Variants in ATOSA observed in about 807,000 individuals in gnomAD.
ATOSA encodes the protein atos homolog A, also known as atos homolog protein A.
At chr15:52,697,871 T>TA in the ATOSA span, among the ~76,000 whole-genome samples, 1 of 145,648 alleles carries the variant, frequency 6.9e-6, no homozygotes, top group South Asian at 2.2e-4. Context: ...GAACACAAAT[T>TA]AAAAATCACA....
chr15:52,594,770 C>T, the ATOSA span, among the ~76,000 whole-genome samples: 1 of 152,212 alleles, frequency 6.6e-6, no homozygotes, highest in African/African-American at 2.4e-5. Context: ...AACCTCTCCT[C>T]TGAATAAATG....
chr15:52,597,228 C>T, the ATOSA span, among the ~76,000 whole-genome samples: 33 of 2,106 alleles, frequency 0.016, 2 homozygotes, highest in East Asian at 0.5. Flanking sequence ...CTATTCTATT[C>T]TATTCTATTC....
chr15:52,613,894 T>C, the ATOSA span: 54 of 1,567,440 alleles, frequency 3.4e-5, no homozygotes, highest in African/African-American at 3.6e-4. Flanking sequence ...CTCAATTTAA[T>C]GTACTCTTAG....
the ATOSA span, among the ~76,000 whole-genome samples, chr15:52,637,483 C>T: frequency 1.3e-5 from 2 of 152,094 alleles, no homozygotes; most frequent in South Asian, 2.1e-4. Flanking sequence ...TCACCCAAGC[C>T]AAAAACGTAG....
At chr15:52,601,323 T>C in the ATOSA span, among the ~76,000 whole-genome samples, 2 of 151,998 alleles carry the variant, frequency 1.3e-5, no homozygotes, top group Non-Finnish European at 2.9e-5. Flanking sequence ...CATTACATAT[T>C]GTTCTTATGT....
At chr15:52,625,339 C>T in the ATOSA span, among the ~76,000 whole-genome samples, 2 of 151,718 alleles carry the variant, frequency 1.3e-5, no homozygotes, top group Non-Finnish European at 2.9e-5. Context: ...AAAGAGTGAC[C>T]ACGGCTATAA....
the ATOSA span, among the ~76,000 whole-genome samples, chr15:52,691,214 TC>T: frequency 2.6e-5 from 4 of 152,212 alleles, no homozygotes; most frequent in Non-Finnish European, 5.9e-5. Flanking sequence ...ATTTTATCAT[TC>T]AAACTTTTAC....
At chr15:52,671,350 G>C in the ATOSA span, among the ~76,000 whole-genome samples, 1 of 152,168 alleles carries the variant, frequency 6.6e-6, no homozygotes, top group South Asian at 2.1e-4. Flanking sequence ...CAGAAGTTCA[G>C]CTGGTATCAG....
At chr15:52,677,888 T>A in the ATOSA span, 1 of 1,367,052 alleles carries the variant, frequency 7.3e-7, no homozygotes, top group African/African-American at 1.4e-5. Flanking sequence ...CAAAAACAGA[T>A]AATCACATAT....
At chr15:52,597,446 A>G in the ATOSA span, among the ~76,000 whole-genome samples, 1 of 152,252 alleles carries the variant, frequency 6.6e-6, no homozygotes, top group South Asian at 2.1e-4. Context: ...AAAACGAATG[A>G]ACTCTTGATA....
At chr15:52,632,453 A>G in the ATOSA span, among the ~76,000 whole-genome samples, 1 of 152,218 alleles carries the variant, frequency 6.6e-6, no homozygotes. Flanking sequence ...ACAGTGTAGC[A>G]TAATTAGGAG....
chr15:52,636,913 G>A, the ATOSA span, among the ~76,000 whole-genome samples: 3 of 152,130 alleles, frequency 2.0e-5, no homozygotes, highest in South Asian at 4.1e-4. Context: ...GGAATTTGGG[G>A]ATGCATGCTC....
the ATOSA span, among the ~76,000 whole-genome samples, chr15:52,591,182 A>T: frequency 6.6e-6 from 1 of 152,198 alleles, no homozygotes; most frequent in Non-Finnish European, 1.5e-5. Context: ...TTTCCAAGCC[A>T]TCCTAATGGC....
chr15:52,638,749 G>A, the ATOSA span, among the ~76,000 whole-genome samples: 1 of 149,796 alleles, frequency 6.7e-6, no homozygotes, highest in Non-Finnish European at 1.5e-5. Flanking sequence ...ATCACTAACA[G>A]GAAGGTTGTA....
chr15:52,592,571 C>T, the ATOSA span, among the ~76,000 whole-genome samples: 6 of 152,236 alleles, frequency 3.9e-5, no homozygotes, highest in African/African-American at 1.4e-4. Flanking sequence ...TCAGAGGTGT[C>T]CAATCTTTTG....
At chr15:52,627,352 C>T in the ATOSA span, among the ~76,000 whole-genome samples, 2 of 152,268 alleles carry the variant, frequency 1.3e-5, no homozygotes, top group South Asian at 2.1e-4. Context: ...TATTATAATG[C>T]CCTGTTTGCC....
the ATOSA span, among the ~76,000 whole-genome samples, chr15:52,619,565 G>C: frequency 6.6e-6 from 1 of 152,076 alleles, no homozygotes; most frequent in African/African-American, 2.4e-5. Context: ...AAATTATTTG[G>C]CCAGGTGTGG....
At chr15:52,594,631 A>G in the ATOSA span, among the ~76,000 whole-genome samples, 2 of 152,114 alleles carry the variant, frequency 1.3e-5, no homozygotes, top group Admixed American at 6.5e-5. Flanking sequence ...GGTCACAATC[A>G]ACCTTCTATA....
At chr15:52,591,494 T>TC in the ATOSA span, among the ~76,000 whole-genome samples, 1 of 152,136 alleles carries the variant, frequency 6.6e-6, no homozygotes, top group Non-Finnish European at 1.5e-5. Flanking sequence ...AGGTGATCTG[T>TC]CCGCCCCAGC....
Sources: allele counts gnomAD v4.1 joint callset (sites outside exome capture counted in the v4.1 genomes callset), GRCh38; gene constraint gnomAD v4.1.1; transcripts MANE v1.5; gene names NCBI Gene and HGNC (gene_info 2026-07-23, HGNC 2026-07-21).